SYNE3: variants seen among roughly 807,000 people sequenced by gnomAD.
The protein encoded by SYNE3 is spectrin repeat containing nuclear envelope family member 3.
Under a neutral mutation model 111.2 loss-of-function variants are expected in SYNE3, and 100 were observed. The ratio of observed to expected loss-of-function variants is 0.90; its 90% confidence interval spans 0.77 to 1.06. The LOEUF is 1.06. SYNE3 is among the 50% of genes least tolerant of loss of function. The pLI is 0.00. For missense variants in SYNE3, 1,160 were observed against 1,240.3 expected, an observed-to-expected ratio of 0.94 and a Z score of 0.97; for synonymous variants, 547 against 533.9, an observed-to-expected ratio of 1.02 and a Z score of -0.34.
intron 17 of SYNE3, among the ~76,000 whole-genome samples, chr14:95,428,781 C>A (rs1187750): frequency 1.3e-5 from 2 of 152,114 alleles, no homozygotes; most frequent in South Asian, 2.1e-4. Context: ...TGGCAAGTGC[C>A]TAGGCAGCTG....
Position 95,485,648 on chromosome 14 carries a change from C to T in SYNE3, c.-14-9813G>A, listed in dbSNP as rs139441409. Among the ~76,000 whole-genome samples, 1 of 152,186 alleles carries T rather than the reference C, an allele frequency of 6.6e-6. No individual in the cohort carries two copies. The highest frequency in any genetic ancestry group is 1.9e-4 in the East Asian group (1 of 5,160). Reference sequence around the variant, plus strand: ...TCACCAGGCTGTCTCCTCTCCCTCTCCCCTTACACCACTCCCTCTAGGATA... The same window carrying T: ...TCACCAGGCTGTCTCCTCTCCCTCTTCCCTTACACCACTCCCTCTAGGATA... On this transcript the variant is annotated intron_variant, in intron 1 of 17. Transcript: ENST00000682763. This position sits in a 1 kb window ranked among gnomAD's most constrained non-coding sequence, Gnocchi z 4.3.
At chr14:95,435,230 C>A (rs1359181041) in intron 15 of SYNE3, among the ~76,000 whole-genome samples, 1 of 138,114 alleles carries the variant, frequency 7.2e-6, no homozygotes, top group Non-Finnish European at 1.6e-5. Context: ...AAGACAGGAG[C>A]TATAAAATAA....
intron 1 of SYNE3, among the ~76,000 whole-genome samples, chr14:95,479,984 C>T (rs904278598): frequency 2.6e-5 from 4 of 152,124 alleles, no homozygotes; most frequent in Non-Finnish European, 5.9e-5. Context: ...CAGGAGTGAG[C>T]AGAGCCAGCA....
chr14:95,460,277 T>G (rs972668788), intron 4 of SYNE3, among the ~76,000 whole-genome samples: 1 of 150,944 alleles, frequency 6.6e-6, no homozygotes, highest in Non-Finnish European at 1.5e-5. Flanking sequence ...TGATCTTGGC[T>G]CACTGTAACC....
At chr14:95,428,067 T>C (rs1321741313) in intron 17 of SYNE3, among the ~76,000 whole-genome samples, 1 of 152,100 alleles carries the variant, frequency 6.6e-6, no homozygotes, top group Non-Finnish European at 1.5e-5. Context: ...AAAGCCCACA[T>C]CAATATGGGG....
At chr14:95,482,396 T>C (rs1287320399) in intron 1 of SYNE3, among the ~76,000 whole-genome samples, 1 of 152,206 alleles carries the variant, frequency 6.6e-6, no homozygotes, top group Non-Finnish European at 1.5e-5. Context: ...ATTGCGCCAC[T>C]GCACTCCAGC....
At chr14:95,442,449 G>T (rs537315093) in intron 11 of SYNE3, among the ~76,000 whole-genome samples, 9 of 152,340 alleles carry the variant, frequency 5.9e-5, no homozygotes, top group Non-Finnish European at 1.0e-4. Flanking sequence ...ATGTCAGGTA[G>T]GAGGGAGAGC....
chr14:95,503,610 CTTTTTT>C (rs386382233), intron 1 of SYNE3, among the ~76,000 whole-genome samples: 54 of 91,884 alleles, frequency 5.9e-4, no homozygotes, highest in Admixed American at 1.0e-3. Context: ...TCAGAACTAC[CTTTTTT>C]TTTTTTTTTT....
intron 1 of SYNE3, among the ~76,000 whole-genome samples, chr14:95,498,577 G>A (rs1230094733): frequency 3.9e-5 from 6 of 152,202 alleles, no homozygotes; most frequent in Admixed American, 3.9e-4. Flanking sequence ...AGAGTATTAA[G>A]TCCAGCATTC....
In SYNE3 at chr14:95,436,958, T is replaced by A; in HGVS notation, c.2400A>T (p.Glu800Asp). 9 of 1,611,416 alleles carry A rather than the reference T, an allele frequency of 5.6e-6. No individual in the cohort carries two copies. The highest frequency in any genetic ancestry group is 7.6e-6 in the Non-Finnish European group (9 of 1,179,040). Residue 800 changes from glutamate (E) to aspartate (D), a missense_variant, in exon 15 of 18, where the codon GAA (glutamate) becomes GAT (aspartate). Physicochemically the swap from Glu to Asp is conservative, Grantham distance 45. Coordinates refer to ENST00000682763, the MANE Select transcript of SYNE3 (RefSeq NM_152592.6). ...RRRANLLQEE[E>D]GSHEDFSQLL... ...GCTGGGAGAAATCTTCATGGCTCCC[T>A]TCTTCTTCCTGTAGAAGATTTGCCT...
intron 15 of SYNE3, among the ~76,000 whole-genome samples, chr14:95,436,212 C>A (rs1416644515): frequency 6.6e-6 from 1 of 152,182 alleles, no homozygotes; most frequent in Non-Finnish European, 1.5e-5. Context: ...TGACTCTAGG[C>A]TGGTTTTGGC....
At chr14:95,449,376 G>A in intron 8 of SYNE3, 1 of 966,542 alleles carries the variant, frequency 1.0e-6, no homozygotes, top group Non-Finnish European at 1.2e-6. Context: ...TTGAAAGGCG[G>A]AAGTAGAGGT....
rs144319184 is a variant in SYNE3 at position 95,439,147 on chromosome 14, C to T, written c.2262G>A (p.Trp754Ter). The T allele has an allele frequency of 6.2e-7, 1 of 1,614,240 alleles. No individual in the cohort carries two copies. Among genetic ancestry groups the T allele is most frequent in the Non-Finnish European group, 8.5e-7 (1 of 1,180,046 alleles). ...EESLLSLIRN[W>*]HLQRMEVDSG... is the part of the protein sequence containing the mutation. ...AATCCACTTCCATCCTCTGCAGATG[C>T]CAGTTTCTGATGAGGCTGAGAAGAC... is the stretch of plus-strand genomic sequence containing the variant. The change falls in exon 14 of 18, where the codon TGG (tryptophan) becomes TGA (stop). Residue 754 changes from tryptophan to a stop codon, truncating the protein, a stop_gained. Coordinates refer to ENST00000682763, the MANE Select transcript of SYNE3 (RefSeq NM_152592.6). LOFTEE classifies it high-confidence loss of function.
In SYNE3 at chr14:95,455,559, C is replaced by G. The variant is rs982888279; in HGVS notation, c.955G>C (p.Glu319Gln). Residue 319 changes from glutamate to glutamine, a missense_variant, in exon 6 of 18, where the codon GAG (glutamate) becomes CAG (glutamine). Physicochemically the swap from Glu to Gln is conservative, Grantham distance 29 (BLOSUM62 2). Coordinates refer to ENST00000682763, the MANE Select transcript of SYNE3 (RefSeq NM_152592.6). Reference protein sequence around the residue: ...LEKLRALWEEEEERLRGLLRS... With the variant: ...LEKLRALWEEQEERLRGLLRS... ...AGCAGGCCCCGCAGCCGCTCCTCCT[C>G]CTCCTCCCAGAGGGCGCGCAGCTTC... is the stretch of plus-strand genomic sequence containing the variant. 1 of 1,613,982 alleles carries G rather than the reference C, an allele frequency of 6.2e-7. No homozygotes were observed.
At chr14:95,446,228 C>T in intron 8 of SYNE3, 137 bp from the exon 9 acceptor site, 1 of 1,006,152 alleles carries the variant, frequency 9.9e-7, no homozygotes, top group Non-Finnish European at 1.4e-6. Context: ...GCAGCAAACT[C>T]AAGTAGAAAC....
At position 95,455,657 on chromosome 14, in the gene SYNE3, A is replaced by G. The variant is rs1264628616; in HGVS notation, c.857T>C (p.Val286Ala). 1 of 1,614,032 alleles carries G rather than the reference A, an allele frequency of 6.2e-7. No individual in the cohort carries two copies. Among genetic ancestry groups the G allele is most frequent in the East Asian group, 2.2e-5 (1 of 44,898 alleles). Residue 286 changes from valine to alanine, a missense_variant, in exon 6 of 18, where the codon GTC becomes GCC. Val to Ala is a moderately conservative substitution (Grantham distance 64). Coordinates refer to ENST00000682763, the MANE Select transcript of SYNE3 (RefSeq NM_152592.6). ...LETLEEQSAG[V>A]IRNTSPLGAE... is the part of the protein sequence containing the mutation. ...ACCCAAAGGAGAGGTGTTCCGAATG[A>G]CACCCGCAGACTGCTCCTCCAGCGT...
chr14:95,457,324 C>A lies in SYNE3; in HGVS notation c.642G>T (p.Leu214=), dbSNP rs1224521780. 6.3e-7 allele frequency: 1 copy of A among 1,595,990 alleles called. No homozygotes were observed. Among genetic ancestry groups the A allele is most frequent in the African/African-American group, 1.4e-5 (1 of 72,764 alleles). ...CATGCTCCCGGGCCACCTGCTCCAG[C>A]AGATCTACACGCTTCTGTGGGAGGA... The part of the protein sequence containing the change: ...VKAKAQKRVD[L]LEQVAREHEE... The change falls in exon 5 of 18, where the codon CTG becomes CTT. Residue 214 remains leucine, a synonymous_variant. Transcript: ENST00000682763.
chr14:95,467,893 T>A lies in SYNE3; in HGVS notation c.219A>T (p.Ala73=), dbSNP rs766187293. The A allele has an allele frequency of 1.2e-6, 2 of 1,614,238 alleles. No homozygotes were observed. The highest frequency in any genetic ancestry group is 1.7e-6 in the Non-Finnish European group (2 of 1,180,042). The change falls in exon 3 of 18, where the codon GCA becomes GCT. Residue 73 remains alanine (A), a synonymous_variant. Coordinates refer to ENST00000682763, the MANE Select transcript of SYNE3 (RefSeq NM_152592.6). ...CGGGCTTCTGGTCCCCAGGGCAGCATGCCAAGAGGGCTTCAGCCATCCGTA... is the reference window on the plus strand; with the variant it reads ...CGGGCTTCTGGTCCCCAGGGCAGCAAGCCAAGAGGGCTTCAGCCATCCGTA... ...LVLRMAEALL[A]CCPGDQKPGI... is the part of the protein sequence containing the mutation.
chr14:95,409,169 G>A lies in SYNE3; in HGVS notation c.*8657C>T, dbSNP rs535151175. The A allele has an allele frequency of 5.0e-4, 229 of 456,752 alleles. No homozygotes were observed. Among genetic ancestry groups the A allele is most frequent in the African/African-American group, 4.2e-3 (209 of 50,194 alleles). 28.3% of individuals were successfully genotyped at this position (456,752 alleles called of 1,614,324 possible). On this transcript the variant is annotated 3_prime_UTR_variant, in exon 18 of 18. Coordinates refer to ENST00000682763, the MANE Select transcript of SYNE3 (RefSeq NM_152592.6). ...TCCATAGAGTGGAGCACTGGGCTCGGAGCCAGTCATGCCTGGGTACAAGTC... is the reference window on the plus strand; with the variant it reads ...TCCATAGAGTGGAGCACTGGGCTCGAAGCCAGTCATGCCTGGGTACAAGTC...
Sources: allele counts gnomAD v4.1 joint callset (sites outside exome capture counted in the v4.1 genomes callset), GRCh38; gene constraint gnomAD v4.1.1; non-coding constraint Gnocchi (gnomAD v3.1); transcripts MANE v1.5; gene names NCBI Gene and HGNC (gene_info 2026-07-23, HGNC 2026-07-21).